Variants in SERPINF1 observed in about 807,000 individuals in gnomAD.
SERPINF1 encodes the protein pigment epithelium-derived factor.
Under a neutral mutation model 37.3 loss-of-function variants are expected in SERPINF1, and 29 were observed. The ratio of observed to expected loss-of-function variants is 0.78; its 90% confidence interval spans 0.58 to 1.06. The LOEUF (loss-of-function observed/expected upper bound fraction) is 1.06. SERPINF1 is among the 50% of genes least tolerant of loss of function. The pLI, the probability that SERPINF1 is intolerant of heterozygous loss-of-function variation, is 0.00. For synonymous variants in SERPINF1, 281 were observed against 227.9 expected (o/e 1.23, Z -2.10); for missense variants, 553 against 532.2 (o/e 1.04, Z -0.38).
intron 6 of SERPINF1, 62 bp from the exon 7 acceptor site, chr17:1,776,470 T>C: frequency 6.7e-7 from 1 of 1,499,000 alleles, no homozygotes; most frequent in Non-Finnish European, 9.3e-7. Context: ...AGCTCCTGGC[T>C]GTGTCTGTCC....
In SERPINF1 at chr17:1,777,246, C is replaced by A. The variant is rs746341445; in HGVS notation, c.1057C>A (p.Leu353Met). 4.3e-6 allele frequency: 7 copies of A among 1,614,162 alleles called. No individual in the cohort carries two copies. In the East Asian group the frequency reaches 1.6e-4, roughly 36 times the overall value. Residue 353 changes from leucine (L) to methionine (M), a missense_variant, in exon 8 of 8, where the codon CTG becomes ATG. Leu to Met is a conservative substitution (Grantham distance 15). Coordinates refer to ENST00000254722, the MANE Select transcript of SERPINF1 (RefSeq NM_002615.7). ...FSKITGKPIKLTQVEHRAGFE... is the reference protein window; with the variant it reads ...FSKITGKPIKMTQVEHRAGFE... ...CAAGATCACAGGCAAACCCATCAAGCTGACTCAGGTGGAACACCGGGCTGG... is the reference window on the plus strand; with the variant it reads ...CAAGATCACAGGCAAACCCATCAAGATGACTCAGGTGGAACACCGGGCTGG...
At chr17:1,767,507 A>G (rs1456367230) in intron 2 of SERPINF1, among the ~76,000 whole-genome samples, 1 of 152,168 alleles carries the variant, frequency 6.6e-6, no homozygotes, top group African/African-American at 2.4e-5. Flanking sequence ...GTTCCCGGAC[A>G]TTTGTTCGGA....
chr17:1,776,738 G>C lies in SERPINF1; in HGVS notation c.993G>C (p.Glu331Asp). The C allele has an allele frequency of 6.2e-7, 1 of 1,613,292 alleles. No individual in the cohort carries two copies. ...GCGAAGTCACCAAGTCCCTGCAGGAGATGAGTATGTCTGAAGACCCTTTCG... is the reference window on the plus strand; with the variant it reads ...GCGAAGTCACCAAGTCCCTGCAGGACATGAGTATGTCTGAAGACCCTTTCG... ...YEGEVTKSLQEMKLQSLFDSP... is the reference protein window; with the variant it reads ...YEGEVTKSLQDMKLQSLFDSP... The change falls in exon 7 of 8, where the codon GAG (glutamate) becomes GAC (aspartate). Residue 331 changes from glutamate to aspartate, a missense_variant. Glu to Asp is a conservative substitution (Grantham distance 45, BLOSUM62 2). Coordinates refer to ENST00000254722, the MANE Select transcript of SERPINF1 (RefSeq NM_002615.7).
At chr17:1,771,245 G>A (rs1907715809) in intron 4 of SERPINF1, 61 bp downstream of exon 4, 7 of 1,521,344 alleles carry the variant, frequency 4.6e-6, no homozygotes, top group Non-Finnish European at 6.1e-6. Context: ...GCAGGCTGGG[G>A]GGGTCTTTTT....
At chr17:1,770,602 G>C (rs1907667557) in intron 3 of SERPINF1, 1 of 257,978 alleles carries the variant, frequency 3.9e-6, no homozygotes, top group African/African-American at 2.2e-5. Flanking sequence ...TGGGATTACA[G>C]GCACCTGCCA....
chr17:1,774,494 G>A (rs930760790), intron 5 of SERPINF1, among the ~76,000 whole-genome samples: 2 of 152,088 alleles, frequency 1.3e-5, no homozygotes, highest in African/African-American at 4.8e-5. Context: ...CACCACACCC[G>A]GCCATTTTTG....
chr17:1,771,752 G>A (rs566387606), intron 4 of SERPINF1, 120 bp from the exon 5 acceptor site: 1 of 926,372 alleles, frequency 1.1e-6, no homozygotes, highest in Non-Finnish European at 1.7e-6. Flanking sequence ...ACAGGAAGAT[G>A]CTGGCTGGGA....
At chr17:1,773,436 G>C (rs1353608555) in intron 5 of SERPINF1, among the ~76,000 whole-genome samples, 1 of 151,966 alleles carries the variant, frequency 6.6e-6, no homozygotes, top group Non-Finnish European at 1.5e-5. Flanking sequence ...AGTAGAGATG[G>C]GGTTTCGCCA....
Position 1,768,996 on chromosome 17 carries a change from C to T in SERPINF1, c.85-856C>T, listed in dbSNP as rs746608074. The stretch of plus-strand genomic sequence containing the variant: ...AATTTTTTTGTATTTTTAGTAGAGA[C>T]GGGTTTCACCGTGTTGCCCAGGATG... On this transcript the variant is annotated intron_variant, in intron 2 of 7. Coordinates refer to ENST00000254722, the MANE Select transcript of SERPINF1 (RefSeq NM_002615.7). Among the ~76,000 whole-genome samples, 133 of 150,922 alleles carry T rather than the reference C, an allele frequency of 8.8e-4. 1 individual carries two copies. Among genetic ancestry groups the T allele is most frequent in the Non-Finnish European group, 1.1e-3 (77 of 67,652 alleles).
chr17:1,765,064 A>C (rs534304262), intron 1 of SERPINF1, among the ~76,000 whole-genome samples: 11 of 151,192 alleles, frequency 7.3e-5, no homozygotes, highest in Non-Finnish European at 1.2e-4. Flanking sequence ...GGATGGTCTC[A>C]AACTCCTGAC....
intron 1 of SERPINF1, among the ~76,000 whole-genome samples, chr17:1,764,901 T>C (rs1907279361): frequency 6.8e-6 from 1 of 147,846 alleles, no homozygotes; most frequent in Non-Finnish European, 1.5e-5. Context: ...TGGAGTGCAG[T>C]GGCGCGATCT....
At chr17:1,769,120 G>T (rs1177086511) in intron 2 of SERPINF1, among the ~76,000 whole-genome samples, 1 of 151,820 alleles carries the variant, frequency 6.6e-6, no homozygotes, top group Admixed American at 6.6e-5. Flanking sequence ...TTAAAAAGTG[G>T]GTCATGGGGC....
intron 2 of SERPINF1, among the ~76,000 whole-genome samples, chr17:1,769,325 C>T (rs1228566425): frequency 6.6e-6 from 1 of 151,114 alleles, no homozygotes; most frequent in Non-Finnish European, 1.5e-5. Flanking sequence ...AGGAGAATGG[C>T]GTGAACCCGG....
intron 5 of SERPINF1, among the ~76,000 whole-genome samples, chr17:1,773,371 G>T (rs1472773584): frequency 6.6e-6 from 1 of 152,066 alleles, no homozygotes; most frequent in Admixed American, 6.6e-5. Flanking sequence ...TCAGCCTCCC[G>T]AGTAGTTGGG....
At chr17:1,767,471 A>C (rs1907456792) in intron 2 of SERPINF1, among the ~76,000 whole-genome samples, 2 of 152,080 alleles carry the variant, frequency 1.3e-5, no homozygotes, top group African/African-American at 4.8e-5. Context: ...TTGTCTTCCT[A>C]GTGGGGGCTC....
chr17:1,776,625 A>G lies in SERPINF1; in HGVS notation c.880A>G (p.Thr294Ala), dbSNP rs1162130606. ...QNLTLIEESL[T>A]SEFIHDIDRE... ...TTTGACCTTGATAGAGGAGAGCCTC[A>G]CCTCCGAGTTCATTCATGACATAGA... The change falls in exon 7 of 8, where the codon ACC becomes GCC. Residue 294 changes from threonine (T) to alanine (A), a missense_variant. Thr to Ala is a moderately conservative substitution (Grantham distance 58). Coordinates refer to ENST00000254722, the MANE Select transcript of SERPINF1 (RefSeq NM_002615.7). The G allele has an allele frequency of 1.9e-6, 3 of 1,613,850 alleles. No individual in the cohort carries two copies. The East Asian group carries it at 6.7e-5, about 36-fold the overall frequency.
In SERPINF1 at chr17:1,771,204, C is replaced by A; in HGVS notation, c.439+20C>A. 6.2e-7 allele frequency: 1 copy of A among 1,612,092 alleles called. No individual in the cohort carries two copies. Among genetic ancestry groups the A allele is most frequent in the Non-Finnish European group, 8.5e-7 (1 of 1,179,214 alleles). ...AGAAGAGTGAGTCGCCTTTGCAGCC[C>A]AAGTTGCCTGAGGCATGTGGGCTCC... On this transcript the variant is annotated intron_variant, in intron 4 of 7. Transcript: ENST00000254722.
chr17:1,775,688 C>T (rs185860009), intron 6 of SERPINF1, among the ~76,000 whole-genome samples: 82 of 152,158 alleles, frequency 5.4e-4, no homozygotes, highest in Middle Eastern at 3.4e-3. Context: ...GGATTACAGG[C>T]GTGTGCCACC....
chr17:1,771,129 G>A lies in SERPINF1; in HGVS notation c.384G>A (p.Thr128=), dbSNP rs566486609. 27 of 1,613,914 alleles carry A rather than the reference G, an allele frequency of 1.7e-5. No individual in the cohort carries two copies. Among genetic ancestry groups the A allele is most frequent in the South Asian group, 3.3e-5 (3 of 91,076 alleles). ...IHGTYKELLD[T]VTAPQKNLKS... The stretch of plus-strand genomic sequence containing the variant: ...GTACCTATAAGGAGCTCCTTGACAC[G>A]GTCACTGCCCCCCAGAAGAACCTCA... The change falls in exon 4 of 8, where the codon ACG becomes ACA. Residue 128 remains threonine (T), a synonymous_variant. Coordinates refer to ENST00000254722, the MANE Select transcript of SERPINF1 (RefSeq NM_002615.7).
Sources: allele counts gnomAD v4.1 joint callset (sites outside exome capture counted in the v4.1 genomes callset), GRCh38; gene constraint gnomAD v4.1.1; transcripts MANE v1.5; gene names NCBI Gene and HGNC (gene_info 2026-07-23, HGNC 2026-07-21).